TANC1: variants seen among roughly 807,000 people sequenced by gnomAD.
TANC1 encodes protein TANC1.
TANC1 carries 77 observed loss-of-function variants against 149.7 expected under a neutral mutation model. That is an observed-to-expected ratio of 0.51 (90% CI 0.43 to 0.62). The LOEUF (loss-of-function observed/expected upper bound fraction) is 0.62, where lower values mean the gene tolerates loss of function less well. Ranked by LOEUF, TANC1 falls within the 20% of genes least tolerant of loss-of-function variation. The pLI is 0.00. For synonymous variants in TANC1, 854 were observed against 925.0 expected (o/e 0.92, Z 1.39); for missense variants, 1,985 against 2,321.8 (o/e 0.85, Z 2.98).
chr2:159,000,695 C>T (rs141342289), intron 1 of TANC1, among the ~76,000 whole-genome samples: 11 of 151,908 alleles, frequency 7.2e-5, no homozygotes, highest in African/African-American at 1.4e-4. Flanking sequence ...AAGGGACATC[C>T]GAGAGCAAGG....
intron 23 of TANC1, chr2:159,225,366 A>G: frequency 2.4e-6 from 1 of 415,688 alleles, no homozygotes; most frequent in Non-Finnish European, 4.5e-6. Context: ...CCGCTGCAGG[A>G]ACTGAGGAGG....
chr2:159,141,773 T>C (rs1352978177), intron 5 of TANC1, among the ~76,000 whole-genome samples: 1 of 152,158 alleles, frequency 6.6e-6, no homozygotes, highest in Non-Finnish European at 1.5e-5. Flanking sequence ...AACTGGTATT[T>C]CATTTATGAG....
At chr2:159,225,523 G>C (rs1268913628) in intron 23 of TANC1, 165 bp from the exon 24 acceptor site, 2 of 629,098 alleles carry the variant, frequency 3.2e-6, no homozygotes, top group African/African-American at 3.7e-5. Flanking sequence ...CAGTGGGAAA[G>C]GATTAGCAAC....
chr2:159,204,863 G>T (rs1165302925), intron 19 of TANC1, among the ~76,000 whole-genome samples: 2 of 152,208 alleles, frequency 1.3e-5, no homozygotes, highest in Admixed American at 1.3e-4. Context: ...GATTTTCTCC[G>T]CTGTGAATTG....
intron 10 of TANC1, 49 bp from the exon 11 acceptor site, chr2:159,172,072 A>T: frequency 6.4e-7 from 1 of 1,569,318 alleles, no homozygotes; most frequent in Non-Finnish European, 8.7e-7. Flanking sequence ...TCAATACCAC[A>T]CCCTGCTCCT....
chr2:159,016,810 G>A (rs901155893), intron 2 of TANC1, among the ~76,000 whole-genome samples: 1 of 152,074 alleles, frequency 6.6e-6, no homozygotes. Flanking sequence ...TCCTGACCTT[G>A]TGATCTGCCC....
chr2:159,004,411 G>A (rs2036935281), intron 2 of TANC1: 5 of 931,434 alleles, frequency 5.4e-6, no homozygotes, highest in Middle Eastern at 3.3e-4. Flanking sequence ...AACATCACCT[G>A]TTACTAGTTC....
intron 1 of TANC1, among the ~76,000 whole-genome samples, chr2:158,975,235 A>G (rs2033501048): frequency 6.6e-6 from 1 of 150,392 alleles, no homozygotes; most frequent in South Asian, 2.1e-4. Context: ...TTTTTTGAAT[A>G]TTTTCTAACC....
chr2:159,053,538 G>T (rs182994658), intron 2 of TANC1, among the ~76,000 whole-genome samples: 3 of 152,282 alleles, frequency 2.0e-5, no homozygotes, highest in East Asian at 3.9e-4. Context: ...GTTTAATTTA[G>T]AACTTGATAT....
At chr2:159,192,771 T>C (rs751604686) in intron 16 of TANC1, among the ~76,000 whole-genome samples, 1 of 152,228 alleles carries the variant, frequency 6.6e-6, no homozygotes, top group Non-Finnish European at 1.5e-5. Context: ...TGCATCAGTC[T>C]CCTGAGTGGC....
intron 2 of TANC1, among the ~76,000 whole-genome samples, chr2:159,062,981 A>AAAAAAAAAAAAAAAG: frequency 6.8e-6 from 1 of 146,172 alleles, no homozygotes; most frequent in Non-Finnish European, 1.5e-5. Context: ...CTCAAAAAAA[A>AAAAAAAAAAAAAAAG]AAAAAAAAAA....
intron 4 of TANC1, among the ~76,000 whole-genome samples, chr2:159,101,416 A>G (rs148543766): frequency 1.3e-5 from 2 of 152,322 alleles, no homozygotes; most frequent in African/African-American, 2.4e-5. Flanking sequence ...TAACCTTGCA[A>G]TAATGTGACC....
intron 4 of TANC1, among the ~76,000 whole-genome samples, chr2:159,134,672 G>A (rs1275175854): frequency 6.6e-6 from 1 of 152,004 alleles, no homozygotes; most frequent in African/African-American, 2.4e-5. Context: ...TTTTAGTTGA[G>A]ACGGGGTTTC....
Position 159,227,923 on chromosome 2 carries a change from T to A in TANC1, c.4008T>A (p.Val1336=). 6.2e-7 allele frequency: 1 copy of A among 1,613,812 alleles called. No homozygotes were observed. Among genetic ancestry groups the A allele is most frequent in the Non-Finnish European group, 8.5e-7 (1 of 1,179,936 alleles). Residue 1336 remains valine (V), a synonymous_variant, in exon 25 of 27, where the codon GTT becomes GTA. Transcript: ENST00000263635. The part of the protein sequence containing the change: ...EDMRPFNELR[V]SLYLNLSRCR... ...TGAGACCCTTCAATGAATTAAGGGT[T>A]TCCCTCTATCTCAATTTGTCGCGAT...
chr2:159,230,595 C>T lies in TANC1; in HGVS notation c.5169C>T (p.Phe1723=). The part of the protein sequence containing the change: ...TAEHRPRNTP[F]MGIMDKTARF... ...AGCACAGACCCCGCAACACGCCGTT[C>T]ATGGGCATCATGGATAAGACTGCGA... Residue 1723 remains phenylalanine, a synonymous_variant, in exon 27 of 27, where the codon TTC becomes TTT. Transcript: ENST00000263635. This position sits in a 1 kb window ranked among gnomAD's most constrained non-coding sequence, Gnocchi z 4.4. 1.2e-6 allele frequency: 2 copies of T among 1,614,220 alleles called. No homozygotes were observed.
At chr2:159,090,839 T>C (rs1409966255) in intron 3 of TANC1, among the ~76,000 whole-genome samples, 3 of 152,152 alleles carry the variant, frequency 2.0e-5, no homozygotes, top group African/African-American at 7.2e-5. Context: ...GAGAGGAAAC[T>C]AGGGTGCTTG....
chr2:159,021,213 CT>C lies in TANC1; in HGVS notation c.-16+20033del, dbSNP rs141301513. 5.3e-5 allele frequency among the ~76,000 whole-genome samples: 8 copies of C among 151,092 alleles called. No homozygotes were observed. The South Asian group carries it at 6.3e-4, about 12-fold the overall frequency. On this transcript the variant is annotated intron_variant, in intron 2 of 26. Transcript: ENST00000263635. ...ATGAGAATGTAAGGAGAATTTTAAACTTTTTTTTTAATGGGTAGTTTACACA... is the reference window on the plus strand; with the variant it reads ...ATGAGAATGTAAGGAGAATTTTAAACTTTTTTTTAATGGGTAGTTTACACA...
At chr2:159,009,607 G>A (rs904287005) in intron 2 of TANC1, among the ~76,000 whole-genome samples, 2 of 152,144 alleles carry the variant, frequency 1.3e-5, no homozygotes, top group Non-Finnish European at 2.9e-5. Flanking sequence ...TTGGAGGAGG[G>A]ATGGAGCTAG....
Position 159,229,690 on chromosome 2 carries a change from A to G in TANC1, c.4264A>G (p.Arg1422Gly). The G allele has an allele frequency of 6.2e-7, 1 of 1,614,058 alleles. No homozygotes were observed. The highest frequency in any genetic ancestry group is 8.5e-7 in the Non-Finnish European group (1 of 1,180,016). The change falls in exon 27 of 27, where the codon AGG becomes GGG. Residue 1422 changes from arginine (R) to glycine (G), a missense_variant. Arg to Gly is a moderately radical substitution (Grantham distance 125). This residue lies in a region of TANC1 where 920 missense variants were observed against 994.7 expected (regional missense o/e 0.92). Coordinates refer to ENST00000263635, the MANE Select transcript of TANC1 (RefSeq NM_033394.3). Reference sequence around the variant, plus strand: ...AGAAGAGGAGTGCAAACAACTCCAGAGGAGTCAACAGCAAAAACAGCAGGG... The same window carrying G: ...AGAAGAGGAGTGCAAACAACTCCAGGGGAGTCAACAGCAAAAACAGCAGGG... ...RVEEECKQLQ[R>G]SQQQKQQGPL... is the part of the protein sequence containing the mutation.
Sources: allele counts gnomAD v4.1 joint callset (sites outside exome capture counted in the v4.1 genomes callset), GRCh38; gene constraint gnomAD v4.1.1; regional missense constraint gnomAD v4.1.1; non-coding constraint Gnocchi (gnomAD v3.1); transcripts MANE v1.5; gene names NCBI Gene and HGNC (gene_info 2026-07-23, HGNC 2026-07-21).